Variants in OSGIN1 observed in about 807,000 individuals in gnomAD.
OSGIN1 encodes oxidative stress induced growth inhibitor 1, also known as oxidative stress-induced growth inhibitor 1.
OSGIN1 carries 19 observed loss-of-function variants against 20.1 expected under a neutral mutation model. The ratio of observed to expected loss-of-function variants is 0.95; its 90% CI spans 0.66 to 1.39. The LOEUF (loss-of-function observed/expected upper bound fraction) is 1.39, where lower values mean the gene tolerates loss of function less well. Ranked by LOEUF, OSGIN1 falls within the 40% of genes most tolerant of loss-of-function variation. The pLI, the probability that OSGIN1 is intolerant of heterozygous loss-of-function variation, is 0.00. For missense variants in OSGIN1, 820 were observed against 653.0 expected (o/e 1.26, Z -2.79); for synonymous variants, 368 against 297.8 (o/e 1.24, Z -2.43).
chr16:83,956,713 A>C (rs922287264), intron 1 of OSGIN1, among the ~76,000 whole-genome samples: 1 of 152,158 alleles, frequency 6.6e-6, no homozygotes, highest in Non-Finnish European at 1.5e-5. Flanking sequence ...AAGCATGTCA[A>C]ATACCCGGTA....
In OSGIN1 at chr16:83,961,445, C is replaced by T. The variant is rs371123579; in HGVS notation, c.488+373C>T. On this transcript the variant is annotated intron_variant, in intron 5 of 5. Coordinates refer to ENST00000393306, the MANE Select transcript of OSGIN1 (RefSeq NM_182981.3). ...CCTCTCCAAATGAGGCGATCAGATACGCATCTATCTCAGGGAGCAGAGGGG... is the reference window on the plus strand; with the variant it reads ...CCTCTCCAAATGAGGCGATCAGATATGCATCTATCTCAGGGAGCAGAGGGG... Among the ~76,000 whole-genome samples, 105 of 152,200 alleles carry T rather than the reference C, an allele frequency of 6.9e-4. 1 individual carries two copies. Among genetic ancestry groups the T allele is most frequent in the African/African-American group, 2.3e-3 (94 of 41,518 alleles).
chr16:83,959,353 A>G lies in OSGIN1; in HGVS notation c.161A>G (p.Gln54Arg). 6.2e-7 allele frequency: 1 copy of G among 1,613,862 alleles called. No homozygotes were observed. Among genetic ancestry groups the G allele is most frequent in the Non-Finnish European group, 8.5e-7 (1 of 1,179,976 alleles). ...GCCATCCACCCACACCCCCTGCTGCAGAGGAAGCTCACCGAGGCCCCGGGG... is the reference window on the plus strand; with the variant it reads ...GCCATCCACCCACACCCCCTGCTGCGGAGGAAGCTCACCGAGGCCCCGGGG... ...PDAIHPHPLL[Q>R]RKLTEAPGVS... Residue 54 changes from glutamine (Q) to arginine (R), a missense_variant, in exon 3 of 6, where the codon CAG becomes CGG. By Grantham distance (43) the Gln-to-Arg change is conservative (BLOSUM62 1). Transcript: ENST00000393306.
In OSGIN1 at chr16:83,953,383, G is replaced by C. The variant is rs1268197324; in HGVS notation, c.-33+13G>C. 2 of 1,288,548 alleles carry C rather than the reference G, an allele frequency of 1.6e-6. No individual in the cohort carries two copies. Among genetic ancestry groups the C allele is most frequent in the South Asian group, 2.5e-5 (2 of 80,888 alleles). The allele number at this position is 1,288,548 out of a possible 1,614,324, so 79.8% of individuals were successfully genotyped here. A position where few individuals can be genotyped will look rare whatever the true frequency, so the allele number is the denominator to read the frequency against. ...CACTGCCTGTCAGGTGAGTGTCCGG[G>C]GCCAGGTTCCGGGGCAGGGAATCAG... On this transcript the variant is annotated intron_variant, in intron 1 of 5. Transcript: ENST00000393306.
chr16:83,961,371 G>T (rs937249493), intron 5 of OSGIN1: 8 of 395,258 alleles, frequency 2.0e-5, no homozygotes, highest in Non-Finnish European at 2.8e-5. Context: ...CTTCCAGGTC[G>T]CAGGTAGGTG....
In OSGIN1 at chr16:83,965,781, C is replaced by G. The variant is rs867603122; in HGVS notation, c.1208C>G (p.Ser403Cys). ...LVLIGSHPDL[S>C]FLPGAGADFA... ...CTCATCGGCTCCCACCCCGACCTCT[C>G]CTTCCTGCCTGGGGCAGGGGCTGAC... is the stretch of plus-strand genomic sequence containing the variant. Residue 403 changes from serine to cysteine, a missense_variant, in exon 6 of 6, where the codon TCC becomes TGC. By Grantham distance (112) the Ser-to-Cys change is moderately radical. Coordinates refer to ENST00000393306, the MANE Select transcript of OSGIN1 (RefSeq NM_182981.3). 6.2e-7 allele frequency: 1 copy of G among 1,613,152 alleles called. No individual in the cohort carries two copies.
At position 83,965,703 on chromosome 16, in the gene OSGIN1, T is replaced by C; in HGVS notation, c.1130T>C (p.Phe377Ser). Residue 377 changes from phenylalanine to serine, a missense_variant, in exon 6 of 6, where the codon TTC (phenylalanine) becomes TCC (serine). Physicochemically the swap from Phe to Ser is radical, Grantham distance 155 (BLOSUM62 -2). Coordinates refer to ENST00000393306, the MANE Select transcript of OSGIN1 (RefSeq NM_182981.3). ...LCFKEDCQAV[F>S]QDLEGVEKVF... ...TTCAAGGAAGACTGCCAGGCCGTGT[T>C]CCAGGACCTCGAGGGTGTCGAGAAG... The C allele has an allele frequency of 6.2e-7, 1 of 1,613,634 alleles. No individual in the cohort carries two copies. Among genetic ancestry groups the C allele is most frequent in the Non-Finnish European group, 8.5e-7 (1 of 1,180,010 alleles).
chr16:83,965,960 G>T lies in OSGIN1; in HGVS notation c.1387G>T (p.Ala463Ser). 1.2e-6 allele frequency: 2 copies of T among 1,607,576 alleles called. No homozygotes were observed. Among genetic ancestry groups the T allele is most frequent in the Non-Finnish European group, 1.7e-6 (2 of 1,177,604 alleles). Residue 463 changes from alanine to serine, a missense_variant, in exon 6 of 6, where the codon GCT (alanine) becomes TCT (serine). Ala to Ser is a moderately conservative substitution (Grantham distance 99). Coordinates refer to ENST00000393306, the MANE Select transcript of OSGIN1 (RefSeq NM_182981.3). ...FVRFVQGGALAVASSLLRKET... is the reference protein window; with the variant it reads ...FVRFVQGGALSVASSLLRKET... ...GAGGTTTGTGCAGGGGGGCGCCTTG[G>T]CTGTGGCCAGCTCCCTGCTAAGGAA... is the stretch of plus-strand genomic sequence containing the variant.
chr16:83,965,992 C>G lies in OSGIN1; in HGVS notation c.1419C>G (p.Thr473=), dbSNP rs1171161784. 1.3e-6 allele frequency: 2 copies of G among 1,579,426 alleles called. No homozygotes were observed. Among genetic ancestry groups the G allele is most frequent in the East Asian group, 4.6e-5 (2 of 43,216 alleles). The change falls in exon 6 of 6, where the codon ACC becomes ACG. Residue 473 remains threonine (T), a synonymous_variant. Transcript: ENST00000393306. ...AVASSLLRKE[T]RKPP ...CCAGCTCCCTGCTAAGGAAGGAGAC[C>G]AGGAAGCCACCCTAACACTCGGCCA...
At chr16:83,962,299 C>T (rs572004318) in intron 5 of OSGIN1, among the ~76,000 whole-genome samples, 95 of 152,242 alleles carry the variant, frequency 6.2e-4, no homozygotes, top group African/African-American at 1.8e-3. Context: ...AGTGCAGTGG[C>T]GCGATCTCAG....
rs903968130 is a variant in OSGIN1, at chr16:83,960,602, C to G, written c.238C>G (p.Arg80Gly). 4 of 1,613,448 alleles carry G rather than the reference C, an allele frequency of 2.5e-6. No homozygotes were observed. The highest frequency in any genetic ancestry group is 1.7e-5 in the Admixed American group (1 of 60,028). Residue 80 changes from arginine (R) to glycine (G), a missense_variant, in exon 4 of 6, where the codon CGA becomes GGA. Physicochemically the swap from Arg to Gly is moderately radical, Grantham distance 125. Coordinates refer to ENST00000393306, the MANE Select transcript of OSGIN1 (RefSeq NM_182981.3). Reference protein sequence around the residue: ...LDYLSEGLEGRSQSPVALLFD... With the variant: ...LDYLSEGLEGGSQSPVALLFD... ...CTACCTGTCCGAAGGCCTCGAAGGC[C>G]GATCCCAAAGCCCCGTGGCCCTGCT...
rs824396 is a variant in OSGIN1, at chr16:83,957,536, C to G, written c.-32-104C>G. The G allele has an allele frequency of 4.4e-6, 3 of 681,920 alleles. No individual in the cohort carries two copies. The Admixed American group carries it at 6.5e-5, about 15-fold the overall frequency. 42.2% of individuals were successfully genotyped at this position (681,920 alleles called of 1,614,324 possible). On this transcript the variant is annotated intron_variant, in intron 1 of 5. Coordinates refer to ENST00000393306, the MANE Select transcript of OSGIN1 (RefSeq NM_182981.3). ...TGTCTCATGGGGACCCCGGACCAGA[C>G]CCTGAGGGCCACAGGAGGCCACCCT...
At chr16:83,955,984 C>G (rs1908907721) in intron 1 of OSGIN1, among the ~76,000 whole-genome samples, 2 of 152,204 alleles carry the variant, frequency 1.3e-5, no homozygotes, top group Non-Finnish European at 2.9e-5. Context: ...GGGTCCCTGA[C>G]AGACCCCTTC....
At chr16:83,964,735 G>T (rs1350303429) in intron 5 of OSGIN1, among the ~76,000 whole-genome samples, 1 of 152,132 alleles carries the variant, frequency 6.6e-6, no homozygotes, top group African/African-American at 2.4e-5. Context: ...TGCAAACTGG[G>T]GAAACAGACA....
In OSGIN1 at chr16:83,955,050, T is replaced by A. The variant is rs777508135; in HGVS notation, c.-33+1680T>A. ...CCTCAGGGCACGGCTTCACCTCTCCTAGCCTTAGTCTCCTCATCTGCAAAG... is the reference window on the plus strand; with the variant it reads ...CCTCAGGGCACGGCTTCACCTCTCCAAGCCTTAGTCTCCTCATCTGCAAAG... On this transcript the variant is annotated intron_variant, in intron 1 of 5. Coordinates refer to ENST00000393306, the MANE Select transcript of OSGIN1 (RefSeq NM_182981.3). 1.9e-4 allele frequency among the ~76,000 whole-genome samples: 29 copies of A among 152,154 alleles called. 1 individual carries two copies. The highest frequency in any genetic ancestry group is 1.2e-3 in the Admixed American group (18 of 15,286).
chr16:83,953,928 C>T (rs1038081127), intron 1 of OSGIN1, among the ~76,000 whole-genome samples: 6 of 152,228 alleles, frequency 3.9e-5, no homozygotes, highest in Admixed American at 3.9e-4. Flanking sequence ...GTGTGCGGCA[C>T]TGGGGCGAGG....
intron 1 of OSGIN1, among the ~76,000 whole-genome samples, chr16:83,955,000 G>A (rs562837839): frequency 6.6e-6 from 1 of 152,314 alleles, no homozygotes; most frequent in African/African-American, 2.4e-5. Context: ...TCAAATATCA[G>A]TTCCATCGCC....
chr16:83,955,974 G>C (rs1908907354), intron 1 of OSGIN1, among the ~76,000 whole-genome samples: 1 of 152,158 alleles, frequency 6.6e-6, no homozygotes, highest in Non-Finnish European at 1.5e-5. Context: ...ACCGACACAG[G>C]GGTCCCTGAC....
intron 4 of OSGIN1, 38 bp from the exon 5 acceptor site, chr16:83,960,943 G>C: frequency 1.9e-6 from 3 of 1,591,014 alleles, no homozygotes; most frequent in Non-Finnish European, 2.6e-6. Context: ...GGGTTCAGGC[G>C]AGCAGAGGCC....
At chr16:83,959,000 C>T (rs764414600) in intron 2 of OSGIN1, among the ~76,000 whole-genome samples, 3 of 152,182 alleles carry the variant, frequency 2.0e-5, no homozygotes, top group Non-Finnish European at 2.9e-5. Context: ...GCACTTACCT[C>T]GCTAAAGCTG....
Sources: gnomAD v4.1 joint callset for allele counts (sites outside exome capture counted in the v4.1 genomes callset) on GRCh38, gnomAD v4.1.1 for gene constraint, MANE v1.5 for transcripts, NCBI Gene and HGNC (gene_info 2026-07-23, HGNC 2026-07-21) for gene names.